Variants in XPO7 observed in about 807,000 individuals in gnomAD.
XPO7 encodes the protein exportin-7.
Under a neutral mutation model 144.3 loss-of-function variants are expected in XPO7, and 21 were observed. The ratio of observed to expected loss-of-function variants is 0.15; its 90% CI spans 0.10 to 0.21. XPO7 has a LOEUF of 0.21. XPO7 is among the 10% of genes least tolerant of loss of function. XPO7 has a pLI of 1.00. For synonymous variants in XPO7, 580 were observed against 499.6 expected, an observed-to-expected ratio of 1.16 and a Z score of -2.15; for missense variants, 808 against 1,325.8, an observed-to-expected ratio of 0.61 and a Z score of 6.06.
intron 11 of XPO7, among the ~76,000 whole-genome samples, chr8:21,983,686 T>C (rs1812477536): frequency 6.6e-6 from 1 of 152,244 alleles, no homozygotes; most frequent in Non-Finnish European, 1.5e-5. Flanking sequence ...TGGGGCCGGA[T>C]AGCCAGTTAG....
intron 1 of XPO7, among the ~76,000 whole-genome samples, chr8:21,922,918 A>G (rs996368153): frequency 6.6e-6 from 1 of 152,162 alleles, no homozygotes; most frequent in African/African-American, 2.4e-5. Context: ...CAGGCACAGT[A>G]ATTAAATATT....
intron 1 of XPO7, among the ~76,000 whole-genome samples, chr8:21,948,768 A>G (rs1351730875): frequency 6.6e-6 from 1 of 152,234 alleles, no homozygotes; most frequent in Non-Finnish European, 1.5e-5. Context: ...AAAAGCATCT[A>G]TGCCAGAATC....
In XPO7 at chr8:21,936,789, ACACT is replaced by A. The variant is rs572293755; in HGVS notation, c.18+17007_18+17010del. Among the ~76,000 whole-genome samples the A allele has an allele frequency of 5.9e-5, 9 of 152,100 alleles. No individual in the cohort carries two copies. In the South Asian group the frequency reaches 1.9e-3, roughly 32 times the overall value. Reference sequence around the variant, plus strand: ...TAATCCTATTAGTGGCCAGTGTGAAACACTCACTCCTTTATAGGTAGAATTTTCT... The same window carrying A: ...TAATCCTATTAGTGGCCAGTGTGAAACACTCCTTTATAGGTAGAATTTTCT... On this transcript the variant is annotated intron_variant, in intron 1 of 27. Coordinates refer to ENST00000252512, the MANE Select transcript of XPO7 (RefSeq NM_015024.5).
chr8:21,991,743 T>C, intron 18 of XPO7, 125 bp from the exon 19 acceptor site: 1 of 592,020 alleles, frequency 1.7e-6, no homozygotes, highest in Non-Finnish European at 2.9e-6. Flanking sequence ...CTAATACCTG[T>C]TGGGATAATA....
At chr8:21,993,750 AC>A (rs1484159134) in intron 19 of XPO7, among the ~76,000 whole-genome samples, 2 of 152,052 alleles carry the variant, frequency 1.3e-5, no homozygotes, top group Admixed American at 1.3e-4. Flanking sequence ...TAGATGGCCC[AC>A]CCAAAGAGAG....
intron 1 of XPO7, among the ~76,000 whole-genome samples, chr8:21,955,708 T>G (rs1355337538): frequency 1.3e-5 from 2 of 150,736 alleles, no homozygotes; most frequent in Non-Finnish European, 3.0e-5. Context: ...ACTCATGGCC[T>G]GTATTCTGTG....
chr8:21,991,763 C>A, intron 18 of XPO7, 105 bp from the exon 19 acceptor site: 1 of 742,234 alleles, frequency 1.3e-6, no homozygotes, highest in Non-Finnish European at 2.1e-6. Context: ...AAAGGGACCC[C>A]CTTGAGTTCC....
At chr8:21,974,377 A>G (rs1363716088) in intron 5 of XPO7, among the ~76,000 whole-genome samples, 5 of 152,050 alleles carry the variant, frequency 3.3e-5, no homozygotes, top group Non-Finnish European at 5.9e-5. Flanking sequence ...ACGTCTGCCA[A>G]CAATTTAAGT....
intron 1 of XPO7, among the ~76,000 whole-genome samples, chr8:21,939,967 A>G (rs1256310622): frequency 1.3e-5 from 2 of 152,216 alleles, no homozygotes; most frequent in Non-Finnish European, 2.9e-5. Context: ...GTTTTTAAGA[A>G]CTACTGAGTT....
chr8:21,919,799 C>G lies in XPO7; in HGVS notation c.18+11C>G, dbSNP rs1249096838. The G allele has an allele frequency of 5.6e-6, 3 of 532,908 alleles. No homozygotes were observed. The Admixed American group carries it at 1.5e-4, about 27-fold the overall frequency. 33.0% of individuals were successfully genotyped at this position (532,908 alleles called of 1,614,324 possible). A position where few individuals can be genotyped will look rare whatever the true frequency, so the allele number is the denominator to read the frequency against. On this transcript the variant is annotated intron_variant, in intron 1 of 27. Coordinates refer to ENST00000252512, the MANE Select transcript of XPO7 (RefSeq NM_015024.5). ...GCGGATCATGTGCAGGTGAGAGGAG[C>G]CGCGGGGGGGAGGGGGCGACCACGA...
At chr8:21,950,332 C>T (rs1290080677) in intron 1 of XPO7, among the ~76,000 whole-genome samples, 1 of 152,084 alleles carries the variant, frequency 6.6e-6, no homozygotes, top group Non-Finnish European at 1.5e-5. Flanking sequence ...CAAAGAAACA[C>T]CTGAAGGTTT....
At position 21,989,821 on chromosome 8, in the gene XPO7, C is replaced by CTTTTTTTTTTTTTTTTTTTTTTTTTTT. The variant is rs1170364778; in HGVS notation, c.1869-503_1869-477dup. ...AATAGGAGTTTGGTATAGGTGTTTC[C>CTTTTTTTTTTTTTTTTTTTTTTTTTTT]TTTTTTTTTTTTTTTTTTTTTTTTT... On this transcript the variant is annotated intron_variant, in intron 16 of 27. Coordinates refer to ENST00000252512, the MANE Select transcript of XPO7 (RefSeq NM_015024.5). Among the ~76,000 whole-genome samples the CTTTTTTTTTTTTTTTTTTTTTTTTTTT allele has an allele frequency of 9.4e-4, 56 of 59,714 alleles. 19 individuals are homozygous for CTTTTTTTTTTTTTTTTTTTTTTTTTTT. Among genetic ancestry groups the CTTTTTTTTTTTTTTTTTTTTTTTTTTT allele is most frequent in the Non-Finnish European group, 1.4e-3 (40 of 27,890 alleles). The allele number at this position is 59,714 out of a possible 152,430, so 39.2% of individuals were successfully genotyped here.
chr8:21,926,315 A>T (rs1035483481), intron 1 of XPO7, among the ~76,000 whole-genome samples: 2 of 152,254 alleles, frequency 1.3e-5, no homozygotes, highest in South Asian at 2.1e-4. Context: ...TGCTGATCTC[A>T]TTGGTACTTT....
chr8:21,982,397 A>G (rs139124247), intron 10 of XPO7, among the ~76,000 whole-genome samples: 2 of 152,298 alleles, frequency 1.3e-5, no homozygotes, highest in Admixed American at 1.3e-4. Flanking sequence ...ACCCACTTAC[A>G]TATGGCTTTC....
At chr8:21,981,479 G>C (rs1330741734) in intron 9 of XPO7, among the ~76,000 whole-genome samples, 1 of 152,138 alleles carries the variant, frequency 6.6e-6, no homozygotes, top group Non-Finnish European at 1.5e-5. Context: ...TGTCCATTGA[G>C]GCTAATAATG....
Position 21,974,022 on chromosome 8 carries a change from G to C in XPO7, c.493-648G>C, listed in dbSNP as rs544954917. ...AGCGTTGAGGGTTTTTTTTGTTTTT[G>C]TTTTTGTTTTGAGTTTTGCTTACTG... On this transcript the variant is annotated intron_variant, in intron 5 of 27. Transcript: ENST00000252512. Among the ~76,000 whole-genome samples the C allele has an allele frequency of 2.0e-5, 3 of 151,912 alleles. No individual in the cohort carries two copies. The East Asian group carries it at 5.8e-4, about 29-fold the overall frequency.
chr8:21,985,780 C>G (rs1812559087), intron 13 of XPO7, 89 bp downstream of exon 13: 7 of 1,131,144 alleles, frequency 6.2e-6, no homozygotes, highest in Admixed American at 1.7e-5. Flanking sequence ...AGAACGTAAT[C>G]TGAACATGCT....
intron 1 of XPO7, among the ~76,000 whole-genome samples, chr8:21,920,374 G>A (rs1810236740): frequency 6.6e-6 from 1 of 151,996 alleles, no homozygotes; most frequent in Non-Finnish European, 1.5e-5. Context: ...AGCCCGGAGG[G>A]CCGAGCTCCC....
intron 15 of XPO7, 42 bp from the exon 16 acceptor site, chr8:21,988,961 T>A (rs755172706): frequency 6.3e-7 from 1 of 1,590,992 alleles, no homozygotes; most frequent in Non-Finnish European, 8.6e-7. Context: ...AACCAGCAAA[T>A]CAAAAGGGTC....
Sources: allele counts gnomAD v4.1 joint callset (sites outside exome capture counted in the v4.1 genomes callset), GRCh38; gene constraint gnomAD v4.1.1; transcripts MANE v1.5; gene names NCBI Gene and HGNC (gene_info 2026-07-23, HGNC 2026-07-21).